Variants in EIF2AK1 observed in about 807,000 individuals in gnomAD.
EIF2AK1 encodes eukaryotic translation initiation factor 2 alpha kinase 1.
A neutral mutation model predicts 77.9 loss-of-function variants in EIF2AK1; 54 were observed. The observed-to-expected ratio is 0.69, with a 90% CI of 0.56 to 0.87. The LOEUF (loss-of-function observed/expected upper bound fraction) is 0.87. Ranked by LOEUF, EIF2AK1 falls within the 40% of genes least tolerant of loss-of-function variation. The pLI, the probability that EIF2AK1 is intolerant of heterozygous loss-of-function variation, is 0.00. For synonymous variants in EIF2AK1, 314 were observed against 290.5 expected (o/e 1.08, Z -0.82); for missense variants, 810 against 768.6 (o/e 1.05, Z -0.64).
chr7:6,023,869 T>TA lies in EIF2AK1; in HGVS notation c.*803dup. Reference sequence around the variant, plus strand: ...TTTTATTTAAAATTCAGCAAAATCATACGCCATCTACCGTGATGACTGCCA... The same window carrying TA: ...TTTTATTTAAAATTCAGCAAAATCATAACGCCATCTACCGTGATGACTGCCA... On this transcript the variant is annotated 3_prime_UTR_variant, in exon 15 of 15. Coordinates refer to ENST00000199389, the MANE Select transcript of EIF2AK1 (RefSeq NM_014413.4). 6.5e-7 allele frequency: 1 copy of TA among 1,535,756 alleles called. No homozygotes were observed. The highest frequency in any genetic ancestry group is 8.8e-7 in the Non-Finnish European group (1 of 1,140,460).
chr7:6,048,092 T>C (rs1788497126), intron 4 of EIF2AK1: 1 of 152,232 alleles, frequency 6.6e-6, no homozygotes, highest in Non-Finnish European at 1.5e-5. Context: ...TATCAAGATA[T>C]AATTCACATA....
At position 6,035,984 on chromosome 7, in the gene EIF2AK1, A is replaced by T. The variant is rs751968890; in HGVS notation, c.1332+1440T>A. On this transcript the variant is annotated intron_variant, in intron 11 of 14. Transcript: ENST00000199389. The surrounding 1 kb of genome is among the most constrained non-coding windows in gnomAD (Gnocchi z 5.5). ...AGGGCCAAACAGCCATCCATGAGGCATGCTTTGGAGGCAGAGAGGCAATCA... is the reference window on the plus strand; with the variant it reads ...AGGGCCAAACAGCCATCCATGAGGCTTGCTTTGGAGGCAGAGAGGCAATCA... 8 of 1,550,904 alleles carry T rather than the reference A, an allele frequency of 5.2e-6. No individual in the cohort carries two copies. In the South Asian group the frequency reaches 9.5e-5, roughly 18 times the overall value.
intron 3 of EIF2AK1, 130 bp downstream of exon 3, chr7:6,049,782 A>G: frequency 1.1e-6 from 1 of 881,774 alleles, no homozygotes; most frequent in South Asian, 1.7e-5. Context: ...CCACACCACC[A>G]TGCCTGGCCT....
chr7:6,053,598 C>G (rs957398379), intron 2 of EIF2AK1, among the ~76,000 whole-genome samples: 3 of 151,300 alleles, frequency 2.0e-5, no homozygotes, highest in Admixed American at 6.6e-5. Context: ...CTCTTGACCT[C>G]ATGATCCACC....
rs1788564614 is a variant in EIF2AK1, at chr7:6,050,093, A to T, written c.278-48T>A. The T allele has an allele frequency of 5.2e-6, 8 of 1,526,654 alleles. No homozygotes were observed. The Admixed American group carries it at 1.6e-4, about 30-fold the overall frequency. The allele number at this position is 1,526,654 out of a possible 1,614,324, so 94.6% of individuals were successfully genotyped here. On this transcript the variant is annotated intron_variant, in intron 2 of 14. Transcript: ENST00000199389. ...TATTATTAGAAACATCTTTAATAAA[A>T]TGGCAATTTTAAAGTGTACACAGAG... is the stretch of plus-strand genomic sequence containing the variant.
At chr7:6,046,511 A>G (rs535256177) in intron 5 of EIF2AK1, 1 of 165,990 alleles carries the variant, frequency 6.0e-6, no homozygotes, top group South Asian at 1.9e-4. Context: ...CGGTTAGAAA[A>G]ACATTACAAA....
chr7:6,022,928 G>T lies in EIF2AK1; in HGVS notation c.*1745C>A, dbSNP rs1389487172. 3 of 205,940 alleles carry T rather than the reference G, an allele frequency of 1.5e-5. No homozygotes were observed. Among genetic ancestry groups the T allele is most frequent in the Non-Finnish European group, 2.9e-5 (3 of 102,128 alleles). The allele number at this position is 205,940 out of a possible 1,614,324, so 12.8% of individuals were successfully genotyped here. ...AGTTCATGTCATTCATATCTTAATT[G>T]CCCTCAGTCTCACAGAAGGCGATTA... On this transcript the variant is annotated 3_prime_UTR_variant, in exon 15 of 15. Transcript: ENST00000199389.
rs1787819348 is a variant in EIF2AK1, at chr7:6,028,686, G to A, written c.1459C>T (p.His487Tyr). The A allele has an allele frequency of 6.2e-7, 1 of 1,614,104 alleles. No individual in the cohort carries two copies. The highest frequency in any genetic ancestry group is 1.3e-5 in the African/African-American group (1 of 74,950). Residue 487 changes from histidine to tyrosine, a missense_variant, in exon 13 of 15, where the codon CAT (histidine) becomes TAT (tyrosine). His to Tyr is a moderately conservative substitution (Grantham distance 83). Transcript: ENST00000199389. ...AGACAAGTACCCACTCTGGACGTAT[G>A]TGTTGGTGTTCCTATCATTTCAAAA... ...TNRNGKRTPT[H>Y]TSRVGTCLYA...
rs1298019663 is a variant in EIF2AK1 at position 6,035,958 on chromosome 7, A to G, written c.1332+1466T>C. 2 of 1,549,774 alleles carry G rather than the reference A, an allele frequency of 1.3e-6. No individual in the cohort carries two copies. The highest frequency in any genetic ancestry group is 2.0e-5 in the Admixed American group (1 of 50,926). ...AGCCAAAGTCAACGCCCAGGACTAC[A>G]AGGGCCAAACAGCCATCCATGAGGC... On this transcript the variant is annotated intron_variant, in intron 11 of 14. Transcript: ENST00000199389. This position sits in a 1 kb window ranked among gnomAD's most constrained non-coding sequence, Gnocchi z 5.5.
In EIF2AK1 at chr7:6,026,844, G is replaced by T. The variant is rs747654385; in HGVS notation, c.1648C>A (p.Arg550Ser). The stretch of plus-strand genomic sequence containing the variant: ...TTGGCTTGCACTGGACACCTTTTAC[G>T]GAGGGATTCCGGCAACTGACCAGTT... ...LRTGQLPESL[R>S]KRCPVQAKYI... The change falls in exon 14 of 15, where the codon CGT (arginine) becomes AGT (serine). Residue 550 changes from arginine to serine, a missense_variant. This residue lies in a region of EIF2AK1 where 549 missense variants were observed against 533.7 expected (regional missense o/e 1.03). Coordinates refer to ENST00000199389, the MANE Select transcript of EIF2AK1 (RefSeq NM_014413.4). The T allele has an allele frequency of 2.5e-6, 4 of 1,614,018 alleles. No homozygotes were observed. The African/African-American group carries it at 4.0e-5, about 16-fold the overall frequency.
chr7:6,027,741 A>T lies in EIF2AK1; in HGVS notation c.1531-780T>A, dbSNP rs1249158962. Among the ~76,000 whole-genome samples the T allele has an allele frequency of 1.3e-5, 2 of 152,112 alleles. No homozygotes were observed. Among genetic ancestry groups the T allele is most frequent in the Non-Finnish European group, 2.9e-5 (2 of 68,032 alleles). On this transcript the variant is annotated intron_variant, in intron 13 of 14. Coordinates refer to ENST00000199389, the MANE Select transcript of EIF2AK1 (RefSeq NM_014413.4). This position sits in a 1 kb window ranked among gnomAD's most constrained non-coding sequence, Gnocchi z 4.5. ...CATGAATTCTAGCTTCCTGAGGTGA[A>T]CAGTGATGTTTTAAAGGGAAAGCTC...
chr7:6,025,440 G>GTAATCCCAT (rs1787715297), intron 14 of EIF2AK1, among the ~76,000 whole-genome samples: 2 of 151,962 alleles, frequency 1.3e-5, no homozygotes, highest in Non-Finnish European at 2.9e-5. Context: ...GATTACAGGC[G>GTAATCCCAT]TGAGCCACCA....
In EIF2AK1 at chr7:6,033,858, C is replaced by T. The variant is rs151050265; in HGVS notation, c.1332+3566G>A. Among the ~76,000 whole-genome samples the T allele has an allele frequency of 1.3e-5, 2 of 152,012 alleles. No homozygotes were observed. The highest frequency in any genetic ancestry group is 6.5e-5 in the Admixed American group (1 of 15,278). On this transcript the variant is annotated intron_variant, in intron 11 of 14. Transcript: ENST00000199389. This position sits in a 1 kb window ranked among gnomAD's most constrained non-coding sequence, Gnocchi z 4.4. ...TGCTGGGATTACAGGCGTGAGCCGC[C>T]GTGCCTGGCCGACAATGGATTTTCT...
Position 6,023,069 on chromosome 7 carries a change from C to T in EIF2AK1, c.*1604G>A. 1.9e-6 allele frequency: 1 copy of T among 512,974 alleles called. No individual in the cohort carries two copies. The highest frequency in any genetic ancestry group is 3.3e-6 in the Non-Finnish European group (1 of 298,564). The allele number at this position is 512,974 out of a possible 1,614,324, so 31.8% of individuals were successfully genotyped here. A position where few individuals can be genotyped will look rare whatever the true frequency, so the allele number is the denominator to read the frequency against. Reference sequence around the variant, plus strand: ...AGGTCCCTTCTAGCTTCAGAAGTGTCATAATCAAATACCAGGAATGACTCT... The same window carrying T: ...AGGTCCCTTCTAGCTTCAGAAGTGTTATAATCAAATACCAGGAATGACTCT... On this transcript the variant is annotated 3_prime_UTR_variant, in exon 15 of 15. Transcript: ENST00000199389.
Position 6,058,828 on chromosome 7 carries a change from C to A in EIF2AK1, c.118+138G>T, listed in dbSNP as rs560943052. 6.7e-5 allele frequency: 46 copies of A among 685,858 alleles called. No homozygotes were observed. The East Asian group carries it at 1.3e-3, about 20-fold the overall frequency. 42.5% of individuals were successfully genotyped at this position (685,858 alleles called of 1,614,324 possible). On this transcript the variant is annotated intron_variant, in intron 1 of 14. Coordinates refer to ENST00000199389, the MANE Select transcript of EIF2AK1 (RefSeq NM_014413.4). Reference sequence around the variant, plus strand: ...GCCCGCCGCCCCCCCTCGCACTGCGCGGCTGGGCCGCCGGTTCAACCCTGG... The same window carrying A: ...GCCCGCCGCCCCCCCTCGCACTGCGAGGCTGGGCCGCCGGTTCAACCCTGG...
chr7:6,029,059 C>A (rs1446350495), intron 11 of EIF2AK1, 27 bp from the exon 12 acceptor site: 2 of 1,543,020 alleles, frequency 1.3e-6, no homozygotes, highest in South Asian at 2.3e-5. Context: ...CAAGTCAACT[C>A]CTTGGCTTTC....
chr7:6,047,191 G>T lies in EIF2AK1; in HGVS notation c.450-100C>A. The T allele has an allele frequency of 3.4e-6, 4 of 1,178,556 alleles. No individual in the cohort carries two copies. In the South Asian group the frequency reaches 5.1e-5, roughly 15 times the overall value. The allele number at this position is 1,178,556 out of a possible 1,614,324, so 73.0% of individuals were successfully genotyped here. A position where few individuals can be genotyped will look rare whatever the true frequency, so the allele number is the denominator to read the frequency against. On this transcript the variant is annotated intron_variant, in intron 4 of 14. Transcript: ENST00000199389. Reference sequence around the variant, plus strand: ...GGATTACTAACCTCACAAACCTCATGTATCACTAAGCTGTGCTGATTTGGA... The same window carrying T: ...GGATTACTAACCTCACAAACCTCATTTATCACTAAGCTGTGCTGATTTGGA...
rs1787986908 is a variant in EIF2AK1, at chr7:6,033,862, C to G, written c.1332+3562G>C. On this transcript the variant is annotated intron_variant, in intron 11 of 14. Coordinates refer to ENST00000199389, the MANE Select transcript of EIF2AK1 (RefSeq NM_014413.4). This position sits in a 1 kb window ranked among gnomAD's most constrained non-coding sequence, Gnocchi z 4.4. ...GGGATTACAGGCGTGAGCCGCCGTGCCTGGCCGACAATGGATTTTCTTGTT... is the reference window on the plus strand; with the variant it reads ...GGGATTACAGGCGTGAGCCGCCGTGGCTGGCCGACAATGGATTTTCTTGTT... Among the ~76,000 whole-genome samples the G allele has an allele frequency of 6.6e-6, 1 of 151,774 alleles. No homozygotes were observed. Among genetic ancestry groups the G allele is most frequent in the Non-Finnish European group, 1.5e-5 (1 of 67,954 alleles).
intron 9 of EIF2AK1, among the ~76,000 whole-genome samples, chr7:6,039,210 A>G (rs1562749287): frequency 6.6e-6 from 1 of 152,200 alleles, no homozygotes; most frequent in African/African-American, 2.4e-5. Context: ...TGATTTAGGC[A>G]TCTAAGAAAA....
Sources: allele counts gnomAD v4.1 joint callset (sites outside exome capture counted in the v4.1 genomes callset), GRCh38; gene constraint gnomAD v4.1.1; regional missense constraint gnomAD v4.1.1; non-coding constraint Gnocchi (gnomAD v3.1); transcripts MANE v1.5; gene names NCBI Gene and HGNC (gene_info 2026-07-23, HGNC 2026-07-21).